PAX6: variants seen among roughly 807,000 people sequenced by gnomAD.
PAX6 encodes the protein paired box protein Pax-6.
PAX6 carries 7 observed loss-of-function variants against 60.7 expected under a neutral mutation model. The observed-to-expected ratio is 0.12, with a 90% CI of 0.07 to 0.22. The LOEUF (loss-of-function observed/expected upper bound fraction) is 0.22, where lower values mean the gene tolerates loss of function less well. Ranked by LOEUF, PAX6 falls within the 10% of genes least tolerant of loss-of-function variation. PAX6 has a pLI of 1.00. For missense variants in PAX6, 355 were observed against 555.2 expected (o/e 0.64, Z 3.62); for synonymous variants, 208 against 201.2 (o/e 1.03, Z -0.29).
upstream of PAX6, among the ~76,000 whole-genome samples, chr11:31,815,299 C>G (rs1002420094): frequency 6.6e-6 from 1 of 152,206 alleles, no homozygotes; most frequent in African/African-American, 2.4e-5. Flanking sequence ...TGACGATCCC[C>G]CCATCTCTCT....
chr11:31,799,279 G>C (rs557467198), intron 8 of PAX6, among the ~76,000 whole-genome samples: 3 of 152,018 alleles, frequency 2.0e-5, no homozygotes, highest in African/African-American at 7.2e-5. Context: ...CGGCGGGTTC[G>C]GGGCCCGTGC....
intron 10 of PAX6, 27 bp from the exon 11 acceptor site, chr11:31,793,829 A>G (rs370689142): frequency 6.2e-6 from 10 of 1,613,938 alleles, no homozygotes; most frequent in Admixed American, 3.3e-5. Flanking sequence ...ACAGGTTAGC[A>G]CTGTGTCTAC....
At chr11:31,806,022 C>T (rs1213162971) in intron 4 of PAX6, 4 of 262,400 alleles carry the variant, frequency 1.5e-5, no homozygotes, top group Admixed American at 5.4e-5. Flanking sequence ...GGGCCTCCTT[C>T]TCGCTCAACT....
upstream of PAX6, among the ~76,000 whole-genome samples, chr11:31,815,976 G>A (rs1957357250): frequency 6.6e-6 from 1 of 152,100 alleles, no homozygotes; most frequent in Admixed American, 6.5e-5. Flanking sequence ...CGCGCGGCCC[G>A]ATGCCTCTGA....
chr11:31,798,252 C>T (rs796656222), intron 8 of PAX6, among the ~76,000 whole-genome samples: 2 of 151,992 alleles, frequency 1.3e-5, no homozygotes, highest in African/African-American at 4.8e-5. Context: ...CTCCGTGATC[C>T]CTAAAACCAC....
upstream of PAX6, among the ~76,000 whole-genome samples, chr11:31,815,413 A>C (rs908163797): frequency 1.3e-5 from 2 of 152,052 alleles, no homozygotes; most frequent in African/African-American, 4.8e-5. Context: ...TCCCCTCTCT[A>C]AACCGCTGCC....
intron 5 of PAX6, chr11:31,802,488 T>C (rs1954332093): frequency 1.8e-6 from 1 of 543,538 alleles, no homozygotes; most frequent in African/African-American, 1.9e-5. Flanking sequence ...AGATGAGTTA[T>C]CTTATGTAAC....
chr11:31,802,089 TGAA>T (rs757127344), intron 5 of PAX6, 177 bp from the exon 6 acceptor site: 31 of 619,332 alleles, frequency 5.0e-5, no homozygotes, highest in East Asian at 1.7e-4. Flanking sequence ...AAACACTGCC[TGAA>T]GATGCATCAA....
intron 4 of PAX6, 161 bp downstream of exon 4, chr11:31,806,241 G>C (rs1230055788): frequency 3.0e-6 from 2 of 676,540 alleles, no homozygotes; most frequent in African/African-American, 1.9e-5. Flanking sequence ...CTCCCCTCCC[G>C]GGCTGCCGGG....
chr11:31,816,887 C>A (rs1050267319), intron 1 of PAX6, among the ~76,000 whole-genome samples: 4 of 152,258 alleles, frequency 2.6e-5, no homozygotes, highest in African/African-American at 9.6e-5. Context: ...GGTGCCCCGC[C>A]TAAGCCGGCC....
chr11:31,816,652 G>A (rs989353388), intron 1 of PAX6: 2 of 701,836 alleles, frequency 2.8e-6, no homozygotes, highest in African/African-American at 3.5e-5. Flanking sequence ...AAGGCGTGCG[G>A]CCGGACTGCC....
intron 8 of PAX6, 66 bp downstream of exon 8, chr11:31,800,625 G>A: frequency 6.4e-7 from 1 of 1,572,552 alleles, no homozygotes; most frequent in Non-Finnish European, 8.7e-7. Flanking sequence ...AAATGGTTGG[G>A]AGAGTAGGGG....
chr11:31,797,954 G>T (rs1952162907), intron 8 of PAX6, among the ~76,000 whole-genome samples: 1 of 151,162 alleles, frequency 6.6e-6, no homozygotes, highest in South Asian at 2.1e-4. Context: ...ATCTGACGAT[G>T]GGAATAGGAT....
At chr11:31,815,295 T>C (rs982394769), upstream of PAX6, among the ~76,000 whole-genome samples, 1 of 152,068 alleles carries the variant, frequency 6.6e-6, no homozygotes, top group Non-Finnish European at 1.5e-5. Context: ...CCTGTGACGA[T>C]CCCCCCATCT....
At chr11:31,816,427 G>A (rs1957378578) in intron 1 of PAX6, 1 of 651,814 alleles carries the variant, frequency 1.5e-6, no homozygotes, top group Admixed American at 2.1e-5. Flanking sequence ...CGAGGACTCT[G>A]GTCAGAGGTA....
At chr11:31,816,657 A>G (rs574206197) in intron 1 of PAX6, 1 of 701,660 alleles carries the variant, frequency 1.4e-6, no homozygotes, top group South Asian at 1.5e-5. Flanking sequence ...GTGCGGCCGG[A>G]CTGCCACTGC....
Position 31,789,588 on chromosome 11 carries a change from A to C in PAX6, c.*346T>G. 1 of 606,818 alleles carries C rather than the reference A, an allele frequency of 1.6e-6. No homozygotes were observed. Among genetic ancestry groups the C allele is most frequent in the Non-Finnish European group, 2.9e-6 (1 of 344,494 alleles). The allele number at this position is 606,818 out of a possible 1,614,324, so 37.6% of individuals were successfully genotyped here. A position where few individuals can be genotyped will look rare whatever the true frequency, so the allele number is the denominator to read the frequency against. On this transcript the variant is annotated 3_prime_UTR_variant, in exon 14 of 14. Transcript: ENST00000640368. ...CATGGTTTTCTTTTTAAAAAAAAAA[A>C]AAACAACTTCATGACCAACACAGAT...
upstream of PAX6, chr11:31,811,332 G>T (rs940092669): frequency 4.5e-5 from 18 of 398,202 alleles, no homozygotes; most frequent in Admixed American, 8.8e-5. Context: ...CAAATGCACC[G>T]CTCGCTCTCA....
intron 13 of PAX6, 142 bp from the exon 14 acceptor site, chr11:31,790,161 C>T: frequency 4.6e-6 from 3 of 658,524 alleles, no homozygotes; most frequent in Non-Finnish European, 7.8e-6. Context: ...AAAATCACTT[C>T]AATTGTTACA....
Sources: allele counts gnomAD v4.1 joint callset (sites outside exome capture counted in the v4.1 genomes callset), GRCh38; gene constraint gnomAD v4.1.1; transcripts MANE v1.5; gene names NCBI Gene and HGNC (gene_info 2026-07-23, HGNC 2026-07-21).